AR: variants seen among roughly 807,000 people sequenced by gnomAD.
The protein encoded by AR is androgen receptor, also known as dihydrotestosterone receptor.
AR carries 8 observed loss-of-function variants against 53.9 expected under a neutral mutation model. That is an observed-to-expected ratio of 0.15 (90% CI 0.09 to 0.27). The LOEUF is 0.27. AR is among the 10% of genes least tolerant of loss of function. The probability of loss-of-function intolerance (pLI) is 1.00; values close to 1 mark genes in which losing one functional copy is unlikely to be tolerated. For synonymous variants in AR, 359 were observed against 316.4 expected (o/e 1.13, Z -1.43); for missense variants, 639 against 742.5 (o/e 0.86, Z 1.62).
intron 3 of AR, among the ~76,000 whole-genome samples, chrX:67,698,317 G>T (rs1157760667): frequency 8.9e-6 from 1 of 112,429 alleles, no homozygotes; most frequent in African/African-American, 3.2e-5. Context: ...TGGCTGGCAT[G>T]ATTTAAGCCA....
chrX:67,726,880 T>C lies in AR; in HGVS notation c.*3039T>C. ...GAGGGACTGGCCACTCAGACCCACT[T>C]AGCTGGTGAGCTAGAAGATGAGGAT... On this transcript the variant is annotated 3_prime_UTR_variant, in exon 8 of 8. Transcript: ENST00000374690. 1.7e-5 allele frequency: 3 copies of C among 175,360 alleles called. No homozygotes were observed. In the East Asian group the frequency reaches 2.4e-4, roughly 14 times the overall value. 14.5% of individuals were successfully genotyped at this position (175,360 alleles called of 1,213,427 possible).
intron 7 of AR, 67 bp from the exon 8 acceptor site, chrX:67,723,619 G>T (rs2076146452): frequency 8.6e-7 from 1 of 1,157,765 alleles, no homozygotes; most frequent in Non-Finnish European, 1.2e-6. Context: ...TCAGAGGTTG[G>T]GGAAGAGGCT....
intron 1 of AR, among the ~76,000 whole-genome samples, chrX:67,594,024 T>C (rs1250783552): frequency 8.9e-6 from 1 of 112,268 alleles, no homozygotes; most frequent in Non-Finnish European, 1.9e-5. Context: ...AGACAAAGTC[T>C]TATTCTGTCT....
chrX:67,680,670 G>T (rs778811240), intron 2 of AR: 2 of 327,762 alleles, frequency 6.1e-6, no homozygotes, highest in East Asian at 2.0e-4. Flanking sequence ...ATAATGTGAT[G>T]CCACTAATAG....
intron 3 of AR, among the ~76,000 whole-genome samples, chrX:67,701,721 C>A (rs1052530573): frequency 9.0e-6 from 1 of 111,068 alleles, no homozygotes; most frequent in Non-Finnish European, 1.9e-5. Context: ...TGCACACACA[C>A]CCTACTGTAT....
chrX:67,627,063 C>G (rs1924705498), intron 1 of AR, among the ~76,000 whole-genome samples: 1 of 108,569 alleles, frequency 9.2e-6, no homozygotes. Context: ...CAAGTCTTTG[C>G]TATTGTGAAT....
At chrX:67,559,066 A>C (rs186677671) in intron 1 of AR, among the ~76,000 whole-genome samples, 205 of 112,411 alleles carry the variant, frequency 1.8e-3, no homozygotes, top group Non-Finnish European at 3.4e-3. Flanking sequence ...AAAATGCAAA[A>C]ACATTGTGCC....
intron 2 of AR, among the ~76,000 whole-genome samples, chrX:67,679,456 G>A (rs2075920134): frequency 9.0e-6 from 1 of 111,376 alleles, no homozygotes; most frequent in African/African-American, 3.3e-5. Context: ...TTTAAATAAT[G>A]CTACAATAAA....
At chrX:67,601,210 A>T (rs1235210204) in intron 1 of AR, among the ~76,000 whole-genome samples, 1 of 112,238 alleles carries the variant, frequency 8.9e-6, no homozygotes, top group Admixed American at 9.5e-5. Flanking sequence ...AAAATAAATT[A>T]AATGGATGAT....
chrX:67,709,518 A>G (rs774704934), intron 3 of AR, among the ~76,000 whole-genome samples: 1 of 111,889 alleles, frequency 8.9e-6, no homozygotes, highest in African/African-American at 3.2e-5. Flanking sequence ...GAGTGACCCA[A>G]TTTTCCAGGT....
chrX:67,671,341 T>C (rs886110484), intron 2 of AR, among the ~76,000 whole-genome samples: 8 of 112,659 alleles, frequency 7.1e-5, no homozygotes, highest in African/African-American at 2.6e-4. Flanking sequence ...TGCATTTCTC[T>C]AATGACCAGT....
At chrX:67,679,675 A>G (rs954972957) in intron 2 of AR, among the ~76,000 whole-genome samples, 2 of 111,742 alleles carry the variant, frequency 1.8e-5, no homozygotes, top group Admixed American at 9.6e-5. Context: ...TTTAATTTGT[A>G]TTTCTGTGAT....
At chrX:67,693,415 GA>G (rs1175957604) in intron 3 of AR, among the ~76,000 whole-genome samples, 1 of 111,638 alleles carries the variant, frequency 9.0e-6, no homozygotes, top group African/African-American at 3.2e-5. Context: ...AATAATTCAG[GA>G]AAAAAGCTTC....
chrX:67,544,662 C>T lies in AR; in HGVS notation c.-485C>T, dbSNP rs1301564160. On this transcript the variant is annotated 5_prime_UTR_variant, in exon 1 of 8. Coordinates refer to ENST00000374690, the MANE Select transcript of AR (RefSeq NM_000044.6). ...CTGTTTTCCCCCACTCTCTCTCCACCTCCTCCTGCCTTCCCCACCCCGAGT... is the reference window on the plus strand; with the variant it reads ...CTGTTTTCCCCCACTCTCTCTCCACTTCCTCCTGCCTTCCCCACCCCGAGT... The T allele has an allele frequency of 5.8e-6, 1 of 171,678 alleles. No individual in the cohort carries two copies. 14.1% of individuals were successfully genotyped at this position (171,678 alleles called of 1,213,427 possible).
At chrX:67,607,844 A>G (rs1923702450) in intron 1 of AR, among the ~76,000 whole-genome samples, 1 of 111,444 alleles carries the variant, frequency 9.0e-6, no homozygotes, top group African/African-American at 3.3e-5. Context: ...AATTCTCTGT[A>G]TTGGCTTCTT....
At chrX:67,643,505 A>G in intron 2 of AR, 98 bp downstream of exon 2, 1 of 1,084,256 alleles carries the variant, frequency 9.2e-7, no homozygotes, top group South Asian at 2.0e-5. Flanking sequence ...TCATCTCAGA[A>G]ATAGAGTCAT....
At chrX:67,673,471 A>AT (rs34317430) in intron 2 of AR, among the ~76,000 whole-genome samples, 2,372 of 68,392 alleles carry the variant, frequency 0.035, 66 homozygotes, top group African/African-American at 0.08. Context: ...ATTGTTTGCT[A>AT]TTTTTTTTTT....
At chrX:67,639,965 T>C (rs1925658527) in intron 1 of AR, among the ~76,000 whole-genome samples, 1 of 111,535 alleles carries the variant, frequency 9.0e-6, no homozygotes, top group Admixed American at 9.6e-5. Flanking sequence ...TTGTCATAAA[T>C]AGCTCTTATT....
At chrX:67,699,366 C>T (rs929375844) in intron 3 of AR, among the ~76,000 whole-genome samples, 1 of 112,202 alleles carries the variant, frequency 8.9e-6, no homozygotes, top group South Asian at 3.8e-4. Flanking sequence ...CTCTTCCTTT[C>T]TGGCTACCAG....
Sources: gnomAD v4.1 joint callset for allele counts (sites outside exome capture counted in the v4.1 genomes callset) on GRCh38, gnomAD v4.1.1 for gene constraint, MANE v1.5 for transcripts, NCBI Gene and HGNC (gene_info 2026-07-23, HGNC 2026-07-21) for gene names.